Variants in BABAM2 observed in about 807,000 individuals in gnomAD.
The protein encoded by BABAM2 is BRISC and BRCA1-A complex member 2.
A neutral mutation model predicts 54.7 loss-of-function variants in BABAM2; 31 were observed. The ratio of observed to expected loss-of-function variants is 0.57; its 90% CI spans 0.43 to 0.77. The LOEUF is 0.77. Among genes scored for constraint, BABAM2 ranks in the 30% least tolerant of loss-of-function variants. The pLI, the probability that BABAM2 is intolerant of heterozygous loss-of-function variation, is 0.00. For synonymous variants in BABAM2, 167 were observed against 162.9 expected (o/e 1.03, Z -0.19); for missense variants, 364 against 455.8 (o/e 0.80, Z 1.83).
intron 10 of BABAM2, among the ~76,000 whole-genome samples, chr2:28,252,511 G>C (rs1047695398): frequency 2.6e-5 from 4 of 152,126 alleles, no homozygotes; most frequent in African/African-American, 9.7e-5. Context: ...CAGTCCTTCA[G>C]CAACCACTGT....
chr2:28,289,558 G>C (rs1357239603), intron 10 of BABAM2, among the ~76,000 whole-genome samples: 47 of 152,186 alleles, frequency 3.1e-4, no homozygotes, highest in Admixed American at 2.7e-3. Context: ...GGAGGCCAAG[G>C]CGGGCAGATC....
chr2:27,943,972 G>T (rs909734868), intron 3 of BABAM2, among the ~76,000 whole-genome samples: 2 of 152,056 alleles, frequency 1.3e-5, no homozygotes, highest in African/African-American at 4.8e-5. Context: ...GAATTCATGG[G>T]TTAGAAGAAA....
At chr2:28,200,151 T>C (rs976075970) in intron 7 of BABAM2, among the ~76,000 whole-genome samples, 4 of 152,224 alleles carry the variant, frequency 2.6e-5, no homozygotes, top group African/African-American at 7.2e-5. Flanking sequence ...TTGACAGTGA[T>C]TGACAGTGAA....
intron 1 of BABAM2, 91 bp from the exon 2 acceptor site, chr2:27,894,442 G>C: frequency 8.3e-7 from 1 of 1,211,944 alleles, no homozygotes; most frequent in Non-Finnish European, 1.2e-6. Flanking sequence ...TCATGCAAGA[G>C]GAACTGCTGT....
chr2:28,221,111 C>CCTCT lies in BABAM2; in HGVS notation c.681-16073_681-16070dup, dbSNP rs72394956. The stretch of plus-strand genomic sequence containing the variant: ...GCTTCTCTCTCTCTTTCCCTTTTTT[C>CCTCT]CTCTCTCTCTCTCTCTCTCTCCACT... On this transcript the variant is annotated intron_variant, in intron 7 of 11. Transcript: ENST00000379624. Among the ~76,000 whole-genome samples the CCTCT allele has an allele frequency of 1.1e-4, 16 of 148,502 alleles. No individual in the cohort carries two copies. The South Asian group carries it at 2.2e-3, about 20-fold the overall frequency.
chr2:28,124,106 C>G (rs1438793033), intron 6 of BABAM2, among the ~76,000 whole-genome samples: 1 of 152,126 alleles, frequency 6.6e-6, no homozygotes, highest in Non-Finnish European at 1.5e-5. Flanking sequence ...TAGCCTCTAG[C>G]CTTGACCTTA....
intron 9 of BABAM2, among the ~76,000 whole-genome samples, chr2:28,243,831 A>G (rs1185967794): frequency 6.6e-6 from 1 of 152,204 alleles, no homozygotes; most frequent in East Asian, 1.9e-4. Flanking sequence ...TTTTACCTTT[A>G]TAAGGGGTAT....
intron 1 of BABAM2, among the ~76,000 whole-genome samples, chr2:27,891,349 A>AT (rs1664826032): frequency 6.6e-6 from 1 of 152,094 alleles, no homozygotes; most frequent in Non-Finnish European, 1.5e-5. Context: ...TCTCATTTTA[A>AT]TTGCAAGAAC....
At chr2:28,291,967 C>T (rs750581433) in intron 10 of BABAM2, among the ~76,000 whole-genome samples, 3 of 152,190 alleles carry the variant, frequency 2.0e-5, no homozygotes, top group Non-Finnish European at 4.4e-5. Context: ...CTCTCAGGAA[C>T]AATCAGCCTC....
At chr2:28,057,786 G>GA (rs1678547994) in intron 6 of BABAM2, among the ~76,000 whole-genome samples, 3 of 152,120 alleles carry the variant, frequency 2.0e-5, no homozygotes, top group South Asian at 4.1e-4. Flanking sequence ...ACCTGGCTGG[G>GA]AAAAAAACCT....
chr2:28,122,028 CATG>C (rs1263283416), intron 6 of BABAM2, among the ~76,000 whole-genome samples: 2 of 152,088 alleles, frequency 1.3e-5, no homozygotes, highest in Admixed American at 1.3e-4. Context: ...TCCTGGCTAA[CATG>C]ATGAAACCCC....
chr2:28,335,875 G>A (rs907649757), intron 11 of BABAM2, among the ~76,000 whole-genome samples: 3 of 152,164 alleles, frequency 2.0e-5, no homozygotes, highest in African/African-American at 7.2e-5. Context: ...AGCTCAGGGG[G>A]GTCTGTGACA....
chr2:28,072,254 C>G (rs1354580078), intron 6 of BABAM2, among the ~76,000 whole-genome samples: 2 of 151,424 alleles, frequency 1.3e-5, no homozygotes, highest in Admixed American at 6.6e-5. Flanking sequence ...CTTACTGCAA[C>G]CTTCGCCTCC....
At chr2:28,005,595 A>T (rs755898890) in intron 4 of BABAM2, among the ~76,000 whole-genome samples, 2 of 152,186 alleles carry the variant, frequency 1.3e-5, no homozygotes, top group Non-Finnish European at 2.9e-5. Flanking sequence ...GATTAATTGC[A>T]TACCTTCTTT....
intron 6 of BABAM2, among the ~76,000 whole-genome samples, chr2:28,046,374 C>T (rs957951835): frequency 7.2e-5 from 11 of 152,232 alleles, no homozygotes; most frequent in African/African-American, 1.4e-4. Flanking sequence ...GCAGGAGAAT[C>T]GCTTGAACCT....
rs1231244896 is a variant in BABAM2, at chr2:27,995,304, C to G, written c.300+7217C>G. 6.6e-6 allele frequency among the ~76,000 whole-genome samples: 1 copy of G among 152,070 alleles called. No homozygotes were observed. Among genetic ancestry groups the G allele is most frequent in the Non-Finnish European group, 1.5e-5 (1 of 68,022 alleles). ...CATGGCTCTGGCAGCACCGTGGGAGCAAGGAGGAAAGTACACAGAACCAGG... is the reference window on the plus strand; with the variant it reads ...CATGGCTCTGGCAGCACCGTGGGAGGAAGGAGGAAAGTACACAGAACCAGG... On this transcript the variant is annotated intron_variant, in intron 4 of 11. Coordinates refer to ENST00000379624, the MANE Select transcript of BABAM2 (RefSeq NM_199191.3). This position sits in a 1 kb window ranked among gnomAD's most constrained non-coding sequence, Gnocchi z 4.1.
At chr2:28,095,381 A>G (rs533029730) in intron 6 of BABAM2, among the ~76,000 whole-genome samples, 6 of 152,278 alleles carry the variant, frequency 3.9e-5, no homozygotes, top group African/African-American at 9.6e-5. Flanking sequence ...CTTCTACACT[A>G]TAAGTTCTCT....
At chr2:28,189,571 A>T (rs1048287345) in intron 7 of BABAM2, among the ~76,000 whole-genome samples, 5 of 152,218 alleles carry the variant, frequency 3.3e-5, no homozygotes, top group Non-Finnish European at 7.3e-5. Flanking sequence ...TCAGTTATAC[A>T]TTTGAGAAAT....
chr2:27,998,058 G>C (rs10204513), intron 4 of BABAM2, among the ~76,000 whole-genome samples: 112,458 of 151,912 alleles, frequency 0.74, 42,639 homozygotes, highest in Middle Eastern at 0.89. Flanking sequence ...GAGGCTGAGG[G>C]AGGAGAATCG....
Sources: allele counts gnomAD v4.1 joint callset (sites outside exome capture counted in the v4.1 genomes callset), GRCh38; gene constraint gnomAD v4.1.1; non-coding constraint Gnocchi (gnomAD v3.1); transcripts MANE v1.5; gene names NCBI Gene and HGNC (gene_info 2026-07-23, HGNC 2026-07-21).